The following BMERB1 variants were observed in gnomAD, a reference collection of about 807,000 sequenced individuals.
The protein encoded by BMERB1 is bMERB domain containing 1, also known as bMERB domain-containing protein 1.
A neutral mutation model predicts 23.6 loss-of-function variants in BMERB1; 12 were observed. The ratio of observed to expected loss-of-function variants is 0.51; its 90% CI spans 0.33 to 0.82. BMERB1 has a LOEUF of 0.82. BMERB1 is among the 40% of genes least tolerant of loss of function. The pLI is 0.03. For synonymous variants in BMERB1, 122 were observed against 96.6 expected, an observed-to-expected ratio of 1.26 and a Z score of -1.54; for missense variants, 247 against 255.4, an observed-to-expected ratio of 0.97 and a Z score of 0.22.
intron 1 of BMERB1, among the ~76,000 whole-genome samples, chr16:15,457,197 T>TA (rs1377361470): frequency 1.3e-5 from 2 of 152,204 alleles, no homozygotes; most frequent in African/African-American, 4.8e-5. Context: ...ATGTGGAAGA[T>TA]ACACAAATCT....
chr16:15,583,599 G>T (rs1003134349), intron 5 of BMERB1, among the ~76,000 whole-genome samples: 1 of 130,290 alleles, frequency 7.7e-6, no homozygotes, highest in Non-Finnish European at 1.6e-5. Flanking sequence ...AAAAAAAAAA[G>T]GCCATTTCAG....
At chr16:15,494,824 TTAAAAAAGTTTTAA>T (rs2051457728) in intron 1 of BMERB1, among the ~76,000 whole-genome samples, 1 of 151,968 alleles carries the variant, frequency 6.6e-6, no homozygotes, top group Admixed American at 6.6e-5. Flanking sequence ...TATTGGAGCC[TTAAAAAAGTTTTAA>T]AAGGCTCAAG....
At position 15,565,910 on chromosome 16, in the gene BMERB1, G is replaced by A. The variant is rs184761027; in HGVS notation, c.231-2073G>A. Among the ~76,000 whole-genome samples, 12 of 152,218 alleles carry A rather than the reference G, an allele frequency of 7.9e-5. No individual in the cohort carries two copies. In the East Asian group the frequency reaches 1.7e-3, roughly 22 times the overall value. On this transcript the variant is annotated intron_variant, in intron 2 of 5. Coordinates refer to ENST00000300006, the MANE Select transcript of BMERB1 (RefSeq NM_033201.3). ...GAGTGAATGTGAACCTGTGTATCACGGGGAAGTTATTTGAAGATACATCTC... is the reference window on the plus strand; with the variant it reads ...GAGTGAATGTGAACCTGTGTATCACAGGGAAGTTATTTGAAGATACATCTC...
In BMERB1 at chr16:15,442,362, T is replaced by A. The variant is rs1251735828; in HGVS notation, c.106+7603T>A. On this transcript the variant is annotated intron_variant, in intron 1 of 5. Coordinates refer to ENST00000300006, the MANE Select transcript of BMERB1 (RefSeq NM_033201.3). ...AAAAAAAAAAGAATTAGGAGAGGGA[T>A]AGATTCTGCACTGTCTCTTGACAGG... 2.7e-5 allele frequency among the ~76,000 whole-genome samples: 4 copies of A among 150,818 alleles called. No homozygotes were observed. The East Asian group carries it at 7.8e-4, about 29-fold the overall frequency.
chr16:15,447,587 A>G (rs988431917), intron 1 of BMERB1, among the ~76,000 whole-genome samples: 1 of 152,228 alleles, frequency 6.6e-6, no homozygotes, highest in African/African-American at 2.4e-5. Flanking sequence ...TGGTGCTCTC[A>G]GTAAATGGTG....
At chr16:15,473,067 C>T (rs2051243653) in intron 1 of BMERB1, among the ~76,000 whole-genome samples, 1 of 152,054 alleles carries the variant, frequency 6.6e-6, no homozygotes, top group Non-Finnish European at 1.5e-5. Context: ...GCCATGTTGG[C>T]CAGGCTGGTC....
chr16:15,574,856 T>A (rs2030817246), intron 3 of BMERB1, among the ~76,000 whole-genome samples: 1 of 152,124 alleles, frequency 6.6e-6, no homozygotes, highest in Admixed American at 6.6e-5. Flanking sequence ...AGTGGGCAGA[T>A]TGCTTGAGGC....
At chr16:15,540,150 A>C (rs183412807) in intron 2 of BMERB1, among the ~76,000 whole-genome samples, 1 of 151,732 alleles carries the variant, frequency 6.6e-6, no homozygotes, top group Non-Finnish European at 1.5e-5. Flanking sequence ...CTGCTGAAAA[A>C]AATATATATA....
intron 2 of BMERB1, among the ~76,000 whole-genome samples, chr16:15,542,628 G>C (rs980088307): frequency 6.7e-6 from 1 of 148,296 alleles, no homozygotes; most frequent in African/African-American, 2.6e-5. Flanking sequence ...TTACCTCCTA[G>C]GGATTTTTTT....
intron 2 of BMERB1, among the ~76,000 whole-genome samples, chr16:15,546,391 A>C (rs530378986): frequency 3.1e-4 from 47 of 152,302 alleles, no homozygotes; most frequent in African/African-American, 1.1e-3. Flanking sequence ...TTTTTTTCCA[A>C]GAGCATTATG....
At chr16:15,440,046 G>A (rs1035038092) in intron 1 of BMERB1, among the ~76,000 whole-genome samples, 4 of 151,750 alleles carry the variant, frequency 2.6e-5, no homozygotes, top group Non-Finnish European at 4.4e-5. Flanking sequence ...GCAGTTCGAG[G>A]CCAGCTGTCC....
intron 2 of BMERB1, among the ~76,000 whole-genome samples, chr16:15,531,025 C>T (rs947567080): frequency 1.3e-5 from 2 of 151,576 alleles, no homozygotes; most frequent in African/African-American, 4.8e-5. Flanking sequence ...TCGCCTCAGC[C>T]TCCCAAGTAA....
At chr16:15,449,079 A>G (rs2051017380) in intron 1 of BMERB1, among the ~76,000 whole-genome samples, 1 of 152,202 alleles carries the variant, frequency 6.6e-6, no homozygotes, top group African/African-American at 2.4e-5. Context: ...AAAAAACGAT[A>G]AGGCCCCGTT....
intron 1 of BMERB1, among the ~76,000 whole-genome samples, chr16:15,464,552 G>A (rs1287104574): frequency 6.6e-6 from 1 of 152,172 alleles, no homozygotes; most frequent in Non-Finnish European, 1.5e-5. Flanking sequence ...GTTATGTCTT[G>A]ATCGTATGGT....
chr16:15,529,316 G>A (rs1450673081), intron 2 of BMERB1, among the ~76,000 whole-genome samples: 1 of 152,072 alleles, frequency 6.6e-6, no homozygotes, highest in African/African-American at 2.4e-5. Context: ...GTGAGCCACC[G>A]CGCCCGGCGG....
chr16:15,452,305 G>A, intron 1 of BMERB1, among the ~76,000 whole-genome samples: 1 of 86,148 alleles, frequency 1.2e-5, no homozygotes. Context: ...AGAAAAGAAG[G>A]AAGGAAGGGA....
chr16:15,571,359 CT>C (rs58521843), intron 3 of BMERB1, among the ~76,000 whole-genome samples: 12,767 of 142,634 alleles, frequency 0.09, 1,714 homozygotes, highest in African/African-American at 0.3. Context: ...CAAAAACCTA[CT>C]TTTTTTTTTT....
chr16:15,457,242 A>G (rs773566741), intron 1 of BMERB1, among the ~76,000 whole-genome samples: 2 of 152,218 alleles, frequency 1.3e-5, no homozygotes, highest in Non-Finnish European at 2.9e-5. Flanking sequence ...TTGAGACTAA[A>G]TTAAAACTAA....
At chr16:15,469,904 C>T (rs952202001) in intron 1 of BMERB1, among the ~76,000 whole-genome samples, 3 of 152,164 alleles carry the variant, frequency 2.0e-5, no homozygotes, top group Non-Finnish European at 2.9e-5. Context: ...TGGAGATCTA[C>T]GTAGACACTT....
Sources: gnomAD v4.1 joint callset for allele counts (sites outside exome capture counted in the v4.1 genomes callset) on GRCh38, gnomAD v4.1.1 for gene constraint, MANE v1.5 for transcripts, NCBI Gene and HGNC (gene_info 2026-07-23, HGNC 2026-07-21) for gene names.